The following PARD3B variants were observed in gnomAD, a reference collection of about 807,000 sequenced individuals.
PARD3B encodes par-3 family cell polarity regulator beta.
In PARD3B, 103 loss-of-function variants were observed where a neutral mutation model predicts 130.2. The ratio of observed to expected loss-of-function variants is 0.79; its 90% CI spans 0.67 to 0.93. The LOEUF (loss-of-function observed/expected upper bound fraction) is 0.93, where lower values mean the gene tolerates loss of function less well. Among genes scored for constraint, PARD3B ranks in the 40% least tolerant of loss-of-function variants. The probability of loss-of-function intolerance (pLI) is 0.00; values close to 1 mark genes in which losing one functional copy is unlikely to be tolerated. For synonymous variants in PARD3B, 583 were observed against 553.2 expected (o/e 1.05, Z -0.76); for missense variants, 1,609 against 1,499.2 (o/e 1.07, Z -1.21).
intron 2 of PARD3B, among the ~76,000 whole-genome samples, chr2:204,863,503 A>G (rs1014616896): frequency 1.3e-5 from 2 of 152,132 alleles, no homozygotes; most frequent in Non-Finnish European, 2.9e-5. Flanking sequence ...CAATATTTAA[A>G]ATTGTCACAG....
At chr2:204,636,312 C>G (rs1183449060) in intron 1 of PARD3B, among the ~76,000 whole-genome samples, 4 of 152,088 alleles carry the variant, frequency 2.6e-5, no homozygotes, top group African/African-American at 9.7e-5. Flanking sequence ...GCGCTGTCTT[C>G]ATAACCTGGA....
intron 1 of PARD3B, among the ~76,000 whole-genome samples, chr2:204,648,494 T>G (rs1574614997): frequency 6.9e-6 from 1 of 145,764 alleles, no homozygotes; most frequent in East Asian, 2.0e-4. Context: ...GGGTAAATAC[T>G]TAGTAATTCA....
At chr2:205,119,687 C>T (rs761613197) in intron 7 of PARD3B, among the ~76,000 whole-genome samples, 2 of 152,044 alleles carry the variant, frequency 1.3e-5, no homozygotes, top group African/African-American at 2.4e-5. Context: ...GAGGCTGAGG[C>T]AGGAGAATCG....
At chr2:204,832,433 C>T (rs950577618) in intron 2 of PARD3B, among the ~76,000 whole-genome samples, 9 of 152,030 alleles carry the variant, frequency 5.9e-5, no homozygotes, top group Non-Finnish European at 1.0e-4. Context: ...ATTGAATCAT[C>T]GCATGGTGTA....
At chr2:205,495,759 C>T (rs1020302624) in intron 20 of PARD3B, among the ~76,000 whole-genome samples, 1 of 152,116 alleles carries the variant, frequency 6.6e-6, no homozygotes, top group Non-Finnish European at 1.5e-5. Context: ...GGTTGGAAGG[C>T]AGTAAGCCAT....
chr2:205,615,660 T>A lies in PARD3B; in HGVS notation c.3465T>A (p.Phe1155Leu). 1 of 1,614,028 alleles carries A rather than the reference T, an allele frequency of 6.2e-7. No individual in the cohort carries two copies. The highest frequency in any genetic ancestry group is 8.5e-7 in the Non-Finnish European group (1 of 1,179,988). The change falls in exon 23 of 23, where the codon TTT becomes TTA. Residue 1155 changes from phenylalanine to leucine, a missense_variant. Phe to Leu is a conservative substitution (Grantham distance 22, BLOSUM62 0). Coordinates refer to ENST00000406610, the MANE Select transcript of PARD3B (RefSeq NM_001302769.2). ...CAGCTCCCCAGCACAAAGGACCCTTTCGACAAGACGTTCCGCCTTCCCCTC... is the reference window on the plus strand; with the variant it reads ...CAGCTCCCCAGCACAAAGGACCCTTACGACAAGACGTTCCGCCTTCCCCTC... Reference protein sequence around the residue: ...PPPAPQHKGPFRQDVPPSPPQ... With the variant: ...PPPAPQHKGPLRQDVPPSPPQ...
intron 2 of PARD3B, among the ~76,000 whole-genome samples, chr2:204,964,590 A>C (rs1386895568): frequency 1.3e-5 from 2 of 152,172 alleles, no homozygotes; most frequent in African/African-American, 4.8e-5. Context: ...GCATGTACAA[A>C]AATGGGATAC....
In PARD3B at chr2:205,121,659, AC is replaced by A. The variant is rs757340237; in HGVS notation, c.877del (p.Arg293ValfsTer22). The A allele has an allele frequency of 6.2e-7, 1 of 1,614,108 alleles. No individual in the cohort carries two copies. Among genetic ancestry groups the A allele is most frequent in the South Asian group, 1.1e-5 (1 of 91,068 alleles). ...SVLLHVLPPQ[N>X]REQYEKSVIG... ...CTCCTCCACGTGCTTCCTCCACAAAACCGTGAACAGTATGAAAAGTCAGTCA... is the reference window on the plus strand; with the variant it reads ...CTCCTCCACGTGCTTCCTCCACAAAACGTGAACAGTATGAAAAGTCAGTCA... On this transcript the variant is annotated frameshift_variant, in exon 8 of 23. Transcript: ENST00000406610. LOFTEE classifies it high-confidence loss of function. The surrounding 1 kb of genome is among the most constrained non-coding windows in gnomAD (Gnocchi z 5.0).
chr2:205,025,843 A>C (rs1009303411), intron 3 of PARD3B, among the ~76,000 whole-genome samples: 1 of 152,114 alleles, frequency 6.6e-6, no homozygotes, highest in South Asian at 2.1e-4. Context: ...TACCTGACCT[A>C]ATAAGTTGAG....
chr2:204,884,545 A>ATC (rs1210349952), intron 2 of PARD3B, among the ~76,000 whole-genome samples: 3 of 152,134 alleles, frequency 2.0e-5, no homozygotes. Context: ...TGCTGCACAG[A>ATC]TCAACCCATC....
Position 205,158,605 on chromosome 2 carries a change from C to A in PARD3B, c.1435-117C>A. On this transcript the variant is annotated intron_variant, in intron 10 of 22. Coordinates refer to ENST00000406610, the MANE Select transcript of PARD3B (RefSeq NM_001302769.2). The surrounding 1 kb of genome is among the most constrained non-coding windows in gnomAD (Gnocchi z 5.4). ...TTTGCCTGCCAGGAGCCGATTACAG[C>A]TGTGAGAGGTCCAGTCATCCTGTCC... 1 of 1,052,158 alleles carries A rather than the reference C, an allele frequency of 9.5e-7. No individual in the cohort carries two copies. The highest frequency in any genetic ancestry group is 1.4e-6 in the Non-Finnish European group (1 of 720,466). The allele number at this position is 1,052,158 out of a possible 1,614,324, so 65.2% of individuals were successfully genotyped here.
chr2:205,195,827 A>T (rs199964788), intron 15 of PARD3B, among the ~76,000 whole-genome samples: 1 of 91,074 alleles, frequency 1.1e-5, no homozygotes, highest in Admixed American at 1.4e-4. Context: ...ATGGTTCAAA[A>T]TTTAAAAAAA....
intron 19 of PARD3B, among the ~76,000 whole-genome samples, chr2:205,406,706 CTG>C (rs2046426995): frequency 8.5e-6 from 1 of 117,070 alleles, no homozygotes; most frequent in South Asian, 3.0e-4. Context: ...GAGTCTCACT[CTG>C]TCACCAGGCT....
chr2:205,296,685 G>GTGTT (rs1245309395), intron 16 of PARD3B, among the ~76,000 whole-genome samples: 3 of 151,738 alleles, frequency 2.0e-5, no homozygotes, highest in Admixed American at 6.6e-5. Flanking sequence ...GTGTGTGTGT[G>GTGTT]TGTGTGTGTG....
intron 18 of PARD3B, among the ~76,000 whole-genome samples, chr2:205,361,861 T>G (rs1334377574): frequency 2.6e-5 from 4 of 152,152 alleles, no homozygotes; most frequent in Non-Finnish European, 1.5e-5. Flanking sequence ...CTGGTTCCTT[T>G]TATTTGCCTC....
intron 20 of PARD3B, among the ~76,000 whole-genome samples, chr2:205,478,566 A>G (rs1229428554): frequency 1.3e-5 from 2 of 152,190 alleles, no homozygotes; most frequent in Non-Finnish European, 2.9e-5. Context: ...GTGGAATGTA[A>G]CATTTGCATT....
At chr2:204,823,505 G>T (rs2043447655) in intron 2 of PARD3B, among the ~76,000 whole-genome samples, 1 of 152,030 alleles carries the variant, frequency 6.6e-6, no homozygotes, top group African/African-American at 2.4e-5. Flanking sequence ...ACATACATAA[G>T]TATAATTCAT....
At chr2:204,874,901 C>T (rs550437888) in intron 2 of PARD3B, among the ~76,000 whole-genome samples, 1 of 152,302 alleles carries the variant, frequency 6.6e-6, no homozygotes, top group East Asian at 1.9e-4. Flanking sequence ...TTGTTGCAGG[C>T]ATCAGTGGTT....
At chr2:205,114,711 C>T (rs1703901648) in intron 6 of PARD3B, among the ~76,000 whole-genome samples, 3 of 150,086 alleles carry the variant, frequency 2.0e-5, no homozygotes, top group Non-Finnish European at 4.4e-5. Context: ...GCATCATATT[C>T]AGCAGGTAGC....
Sources: gnomAD v4.1 joint callset for allele counts (sites outside exome capture counted in the v4.1 genomes callset) on GRCh38, gnomAD v4.1.1 for gene constraint, Gnocchi (gnomAD v3.1) non-coding constraint, MANE v1.5 for transcripts, NCBI Gene and HGNC (gene_info 2026-07-23, HGNC 2026-07-21) for gene names.